The following CATSPERE variants were observed in gnomAD, a reference collection of about 807,000 sequenced individuals.
CATSPERE encodes cation channel sperm-associated auxiliary subunit epsilon.
Under a neutral mutation model 114.1 loss-of-function variants are expected in CATSPERE, and 93 were observed. That is an observed-to-expected ratio of 0.81 (90% confidence interval 0.69 to 0.97). The LOEUF is 0.97. Ranked by LOEUF, CATSPERE falls within the 50% of genes least tolerant of loss-of-function variation. CATSPERE has a pLI of 0.00. For missense variants in CATSPERE, 1,058 were observed against 1,131.6 expected (o/e 0.93, Z 0.93); for synonymous variants, 341 against 384.1 (o/e 0.89, Z 1.31).
intron 13 of CATSPERE, among the ~76,000 whole-genome samples, chr1:244,584,585 C>G (rs1424376573): frequency 6.8e-6 from 1 of 147,518 alleles, no homozygotes; most frequent in African/African-American, 2.7e-5. Flanking sequence ...AATTCTTAAC[C>G]CCGCCTCCTT....
chr1:244,463,897 T>C lies in CATSPERE; in HGVS notation c.66-11T>C. The C allele has an allele frequency of 6.3e-7, 1 of 1,588,204 alleles. No individual in the cohort carries two copies. Among genetic ancestry groups the C allele is most frequent in the East Asian group, 2.2e-5 (1 of 44,712 alleles). On this transcript the variant is annotated splice_polypyrimidine_tract_variant and intron_variant, in intron 1 of 21. Coordinates refer to ENST00000366534, the MANE Select transcript of CATSPERE (RefSeq NM_001130957.2). ...AGTTTTAATATTTATACTTGGCCTC[T>C]TCCTCCACAGGTATTCCACTAACAG... is the stretch of plus-strand genomic sequence containing the variant.
intron 11 of CATSPERE, among the ~76,000 whole-genome samples, chr1:244,576,877 G>T (rs1382388035): frequency 1.3e-5 from 2 of 152,112 alleles, no homozygotes; most frequent in Non-Finnish European, 2.9e-5. Context: ...CAATATATGT[G>T]AAACATTTTA....
chr1:244,514,184 T>C (rs2148341984), intron 7 of CATSPERE, among the ~76,000 whole-genome samples: 1 of 152,310 alleles, frequency 6.6e-6, no homozygotes, highest in East Asian at 1.9e-4. Context: ...TGAATATTTT[T>C]CCCTATGTTT....
intron 6 of CATSPERE, among the ~76,000 whole-genome samples, chr1:244,494,977 G>T (rs911650419): frequency 6.6e-5 from 10 of 152,032 alleles, no homozygotes; most frequent in Non-Finnish European, 1.0e-4. Context: ...AATATACATA[G>T]AAAATATAAG....
chr1:244,640,046 C>T lies in CATSPERE; in HGVS notation c.2821C>T (p.Leu941Phe). The T allele has an allele frequency of 6.5e-7, 1 of 1,549,694 alleles. No homozygotes were observed. The highest frequency in any genetic ancestry group is 8.7e-7 in the Non-Finnish European group (1 of 1,146,064). Residue 941 changes from leucine to phenylalanine, a missense_variant, in exon 22 of 22, where the codon CTT becomes TTT. Leu to Phe is a conservative substitution (Grantham distance 22). This residue lies in a region of CATSPERE where 787 missense variants were observed against 905.6 expected (regional missense o/e 0.87). Coordinates refer to ENST00000366534, the MANE Select transcript of CATSPERE (RefSeq NM_001130957.2). The stretch of plus-strand genomic sequence containing the variant: ...TTATAGACGATATATTTATGAACCA[C>T]TTCACAAACCTCAAAGAAAACGTAA... ...RIYRRYIYEP[L>F]HKPQRKRKKN
At chr1:244,493,366 A>G (rs1672559549) in intron 6 of CATSPERE, among the ~76,000 whole-genome samples, 3 of 152,244 alleles carry the variant, frequency 2.0e-5, no homozygotes, top group Non-Finnish European at 4.4e-5. Flanking sequence ...TCCCTATTTA[A>G]TAAATGGTGC....
intron 17 of CATSPERE, among the ~76,000 whole-genome samples, chr1:244,597,559 G>T (rs1668615354): frequency 5.1e-5 from 5 of 98,666 alleles, no homozygotes; most frequent in African/African-American, 1.2e-4. Flanking sequence ...TTCATGATCT[G>T]GGATTTTGTT....
intron 10 of CATSPERE, among the ~76,000 whole-genome samples, chr1:244,571,905 C>T (rs536269429): frequency 2.6e-5 from 4 of 152,024 alleles, no homozygotes; most frequent in Admixed American, 1.3e-4. Flanking sequence ...GCTTCTTAGC[C>T]CATTTTACCT....
chr1:244,604,736 G>T (rs886851730), intron 17 of CATSPERE, among the ~76,000 whole-genome samples: 1 of 152,224 alleles, frequency 6.6e-6, no homozygotes, highest in Non-Finnish European at 1.5e-5. Flanking sequence ...CCATTCTTAC[G>T]GTCACAAGTT....
chr1:244,457,993 C>T (rs1666312042), upstream of CATSPERE, among the ~76,000 whole-genome samples: 1 of 152,090 alleles, frequency 6.6e-6, no homozygotes, highest in African/African-American at 2.4e-5. Context: ...CTGTGTGCCA[C>T]AGAGGTAAAT....
At chr1:244,521,213 G>A (rs1304146879) in intron 8 of CATSPERE, among the ~76,000 whole-genome samples, 1 of 152,058 alleles carries the variant, frequency 6.6e-6, no homozygotes, top group Non-Finnish European at 1.5e-5. Flanking sequence ...AATTAGCCAA[G>A]TGTAGTGGCA....
Position 244,575,864 on chromosome 1 carries a change from T to C in CATSPERE, c.1950+3092T>C, listed in dbSNP as rs1665171351. ...CTATTGCTGGAGGATTGTGTGAGGTTCAGTCTCTCCCTAATGGGGATTTTT... is the reference window on the plus strand; with the variant it reads ...CTATTGCTGGAGGATTGTGTGAGGTCCAGTCTCTCCCTAATGGGGATTTTT... On this transcript the variant is annotated intron_variant, in intron 11 of 21. Transcript: ENST00000366534. This position sits in a 1 kb window ranked among gnomAD's most constrained non-coding sequence, Gnocchi z 4.5. 6.6e-6 allele frequency among the ~76,000 whole-genome samples: 1 copy of C among 151,942 alleles called. No individual in the cohort carries two copies. Among genetic ancestry groups the C allele is most frequent in the African/African-American group, 2.4e-5 (1 of 41,332 alleles).
At chr1:244,512,691 T>C (rs1572486862) in intron 7 of CATSPERE, among the ~76,000 whole-genome samples, 1 of 152,252 alleles carries the variant, frequency 6.6e-6, no homozygotes, top group South Asian at 2.1e-4. Flanking sequence ...GCATCTGGTA[T>C]AAAAGTTGCT....
intron 5 of CATSPERE, among the ~76,000 whole-genome samples, chr1:244,481,986 A>T (rs1373303283): frequency 6.6e-6 from 1 of 152,212 alleles, no homozygotes; most frequent in East Asian, 1.9e-4. Flanking sequence ...GCTAGGGCTG[A>T]AAGAAGTGGG....
intron 10 of CATSPERE, among the ~76,000 whole-genome samples, chr1:244,563,192 AT>A (rs552566508): frequency 1.3e-3 from 191 of 151,746 alleles, no homozygotes; most frequent in Non-Finnish European, 2.5e-3. Context: ...GGTTCCAAGT[AT>A]TTGCTATTGT....
rs77637331 is a variant in CATSPERE at position 244,577,750 on chromosome 1, A to G, written c.1951-4046A>G. Among the ~76,000 whole-genome samples, 19 of 152,342 alleles carry G rather than the reference A, an allele frequency of 1.2e-4. No homozygotes were observed. The East Asian group carries it at 3.7e-3, about 29-fold the overall frequency. ...CATGTTGGTGATCAGGTTTTAACAC[A>G]TAAGTTTTAGAGGAACACATTCAGA... On this transcript the variant is annotated intron_variant, in intron 11 of 21. Transcript: ENST00000366534.
chr1:244,586,699 G>A (rs953448149), intron 13 of CATSPERE, among the ~76,000 whole-genome samples: 3 of 152,136 alleles, frequency 2.0e-5, no homozygotes, highest in Admixed American at 6.5e-5. Flanking sequence ...CTTCTTATAC[G>A]GTAGGGAGTA....
At chr1:244,466,807 C>T (rs1217650970) in intron 2 of CATSPERE, among the ~76,000 whole-genome samples, 4 of 152,192 alleles carry the variant, frequency 2.6e-5, no homozygotes, top group Non-Finnish European at 5.9e-5. Flanking sequence ...TCACAAGTCT[C>T]TCCCAGTACC....
At chr1:244,476,375 T>TCCCTC (rs1051408225) in intron 2 of CATSPERE, among the ~76,000 whole-genome samples, 2 of 152,110 alleles carry the variant, frequency 1.3e-5, no homozygotes, top group African/African-American at 2.4e-5. Context: ...TGACTACCTT[T>TCCCTC]CCCTCCCCTC....
Sources: gnomAD v4.1 joint callset for allele counts (sites outside exome capture counted in the v4.1 genomes callset) on GRCh38, gnomAD v4.1.1 for gene constraint, gnomAD v4.1.1 regional missense constraint, Gnocchi (gnomAD v3.1) non-coding constraint, MANE v1.5 for transcripts, NCBI Gene and HGNC (gene_info 2026-07-23, HGNC 2026-07-21) for gene names.